Variants in PRDM10 observed in about 807,000 individuals in gnomAD.
PRDM10 encodes the protein PR domain zinc finger protein 10.
A neutral mutation model predicts 133.1 loss-of-function variants in PRDM10; 65 were observed. The ratio of observed to expected loss-of-function variants is 0.49; its 90% CI spans 0.40 to 0.60. PRDM10 has a LOEUF of 0.60. Ranked by LOEUF, PRDM10 falls within the 20% of genes least tolerant of loss-of-function variation. PRDM10 has a pLI of 0.00. For missense variants in PRDM10, 1,137 were observed against 1,507.1 expected, an observed-to-expected ratio of 0.75 and a Z score of 4.07; for synonymous variants, 582 against 580.4, an observed-to-expected ratio of 1.00 and a Z score of -0.04.
intron 11 of PRDM10, among the ~76,000 whole-genome samples, chr11:129,927,543 T>G (rs1292236288): frequency 6.6e-6 from 1 of 152,080 alleles, no homozygotes; most frequent in Non-Finnish European, 1.5e-5. Context: ...GAACTCAGTT[T>G]TGTTTTGGTC....
In PRDM10 at chr11:129,923,685, A is replaced by C. The variant is rs1017883967; in HGVS notation, c.1879-282T>G. On this transcript the variant is annotated intron_variant, in intron 12 of 20. Coordinates refer to ENST00000360871, the MANE Select transcript of PRDM10 (RefSeq NM_199437.2). This position sits in a 1 kb window ranked among gnomAD's most constrained non-coding sequence, Gnocchi z 4.4. The stretch of plus-strand genomic sequence containing the variant: ...GAGAGAGAGAGAGAGAGAGAGAGAG[A>C]GAGAGAGAGTGCTTGCTTGGTCAAA... 4.8e-5 allele frequency among the ~76,000 whole-genome samples: 7 copies of C among 147,244 alleles called. No homozygotes were observed. Among genetic ancestry groups the C allele is most frequent in the African/African-American group, 1.8e-4 (7 of 39,940 alleles).
chr11:130,002,731 G>A lies in PRDM10; in HGVS notation c.-128C>T. The A allele has an allele frequency of 6.1e-6, 1 of 164,306 alleles. No individual in the cohort carries two copies. The highest frequency in any genetic ancestry group is 1.3e-5 in the Non-Finnish European group (1 of 74,296). The allele number at this position is 164,306 out of a possible 1,614,324, so 10.2% of individuals were successfully genotyped here. On this transcript the variant is annotated 5_prime_UTR_variant, in exon 1 of 21. Coordinates refer to ENST00000360871, the MANE Select transcript of PRDM10 (RefSeq NM_199437.2). ...TCCTTTAGGTACTTACACGACGTTG[G>A]GTGAGGGGAGCTGGAAGATCAGCGG... is the stretch of plus-strand genomic sequence containing the variant.
intron 2 of PRDM10, among the ~76,000 whole-genome samples, chr11:129,958,364 A>G (rs896472977): frequency 2.0e-5 from 3 of 152,180 alleles, no homozygotes; most frequent in African/African-American, 4.8e-5. Flanking sequence ...ACTTTTGGCT[A>G]GGCGTGGTGG....
intron 9 of PRDM10, among the ~76,000 whole-genome samples, 165 bp downstream of exon 9, chr11:129,934,936 G>A (rs1167490037): frequency 6.6e-6 from 1 of 152,208 alleles, no homozygotes; most frequent in Non-Finnish European, 1.5e-5. Flanking sequence ...AGTAAATGAG[G>A]AGCAGAGGGA....
chr11:129,962,499 C>T (rs2135927734), intron 1 of PRDM10, among the ~76,000 whole-genome samples: 1 of 152,342 alleles, frequency 6.6e-6, no homozygotes, highest in African/African-American at 2.4e-5. Flanking sequence ...GCGCCCTACT[C>T]TTCCAATCCC....
chr11:129,990,382 C>T (rs1291286839), intron 1 of PRDM10, among the ~76,000 whole-genome samples: 2 of 150,974 alleles, frequency 1.3e-5, no homozygotes, highest in African/African-American at 2.4e-5. Context: ...ATAAGCCGGG[C>T]GTGGTGGCGC....
At chr11:129,958,291 A>T (rs1461827383) in intron 2 of PRDM10, among the ~76,000 whole-genome samples, 1 of 152,200 alleles carries the variant, frequency 6.6e-6, no homozygotes, top group Non-Finnish European at 1.5e-5. Context: ...TGCTGTCAAC[A>T]CATCATAAGA....
At chr11:129,932,852 A>G (rs2135821241) in intron 9 of PRDM10, among the ~76,000 whole-genome samples, 1 of 152,186 alleles carries the variant, frequency 6.6e-6, no homozygotes, top group Non-Finnish European at 1.5e-5. Context: ...TGTGGCCTCA[A>G]CCACCTGGGC....
Position 129,918,435 on chromosome 11 carries a change from TGATC to T in PRDM10, c.2214+100_2214+103del. 1 of 1,330,324 alleles carries T rather than the reference TGATC, an allele frequency of 7.5e-7. No individual in the cohort carries two copies. The highest frequency in any genetic ancestry group is 1.0e-6 in the Non-Finnish European group (1 of 1,004,412). 82.4% of individuals were successfully genotyped at this position (1,330,324 alleles called of 1,614,324 possible). A position where few individuals can be genotyped will look rare whatever the true frequency, so the allele number is the denominator to read the frequency against. On this transcript the variant is annotated intron_variant, in intron 14 of 20. Transcript: ENST00000360871. This position sits in a 1 kb window ranked among gnomAD's most constrained non-coding sequence, Gnocchi z 5.3. ...TTCCCCTGGACATTGACAAAACCAT[TGATC>T]GATATAACTTAGGACACAATGCAAC...
At chr11:129,977,871 C>T (rs541762918) in intron 1 of PRDM10, among the ~76,000 whole-genome samples, 4 of 151,964 alleles carry the variant, frequency 2.6e-5, no homozygotes, top group Middle Eastern at 6.8e-3. Context: ...GTGGGAGGAT[C>T]GTTTGAGCAC....
At chr11:129,950,674 C>T (rs80002959) in intron 4 of PRDM10, among the ~76,000 whole-genome samples, 3,871 of 152,252 alleles carry the variant, frequency 0.025, 162 homozygotes, top group African/African-American at 0.086. Context: ...TTGTCCTAAG[C>T]GCTTAAGCAT....
intron 1 of PRDM10, among the ~76,000 whole-genome samples, chr11:129,961,336 G>A (rs577432301): frequency 4.5e-4 from 69 of 151,928 alleles, no homozygotes; most frequent in African/African-American, 1.6e-3. Context: ...ATGGAGTCTC[G>A]CTCTGTTGCC....
At chr11:129,927,712 A>G (rs531500169) in intron 11 of PRDM10, among the ~76,000 whole-genome samples, 2 of 152,296 alleles carry the variant, frequency 1.3e-5, no homozygotes, top group East Asian at 3.9e-4. Flanking sequence ...TCTGCACTCA[A>G]GAACTAGATT....
At chr11:129,965,293 T>G (rs1951882487) in intron 1 of PRDM10, among the ~76,000 whole-genome samples, 1 of 152,342 alleles carries the variant, frequency 6.6e-6, no homozygotes, top group African/African-American at 2.4e-5. Context: ...ACATTCCCTG[T>G]ACATGAATAT....
At chr11:129,921,930 G>A (rs1018638190) in intron 13 of PRDM10, among the ~76,000 whole-genome samples, 1 of 152,132 alleles carries the variant, frequency 6.6e-6, no homozygotes. Context: ...GACCACACCA[G>A]CTCTCCTTCC....
At chr11:129,903,092 C>T (rs768274549) in intron 20 of PRDM10, among the ~76,000 whole-genome samples, 13 of 151,892 alleles carry the variant, frequency 8.6e-5, no homozygotes, top group Non-Finnish European at 1.9e-4. Context: ...GTCAGGAGTT[C>T]GAGACCAGCC....
intron 8 of PRDM10, among the ~76,000 whole-genome samples, chr11:129,936,885 A>G (rs1387240767): frequency 2.0e-5 from 3 of 152,190 alleles, no homozygotes; most frequent in Admixed American, 2.0e-4. Context: ...AACCAAATCT[A>G]CAGTAAAATG....
intron 1 of PRDM10, among the ~76,000 whole-genome samples, chr11:129,973,340 G>A (rs1454923416): frequency 6.6e-6 from 1 of 152,218 alleles, no homozygotes. Flanking sequence ...AGTTGGCAAT[G>A]AATGAGGACC....
chr11:129,909,712 C>A (rs370216283), intron 19 of PRDM10, among the ~76,000 whole-genome samples: 2 of 152,202 alleles, frequency 1.3e-5, no homozygotes, highest in Non-Finnish European at 2.9e-5. Context: ...TACTTCCTGG[C>A]CTGCCCCAAA....
Sources: gnomAD v4.1 joint callset for allele counts (sites outside exome capture counted in the v4.1 genomes callset) on GRCh38, gnomAD v4.1.1 for gene constraint, Gnocchi (gnomAD v3.1) non-coding constraint, MANE v1.5 for transcripts, NCBI Gene and HGNC (gene_info 2026-07-23, HGNC 2026-07-21) for gene names.